COL4A2: variants seen among roughly 807,000 people sequenced by gnomAD.
The protein encoded by COL4A2 is collagen type IV alpha 2 chain.
In COL4A2, 99 loss-of-function variants were observed where a neutral mutation model predicts 200.2. That is an observed-to-expected ratio of 0.49 (90% CI 0.42 to 0.58). The LOEUF is 0.58. COL4A2 is among the 20% of genes least tolerant of loss of function. COL4A2 has a pLI of 0.00. For missense variants in COL4A2, 1,950 were observed against 2,314.1 expected, an observed-to-expected ratio of 0.84 and a Z score of 3.23; for synonymous variants, 897 against 900.6, an observed-to-expected ratio of 1.00 and a Z score of 0.07.
intron 3 of COL4A2, among the ~76,000 whole-genome samples, chr13:110,335,514 C>T (rs564833373): frequency 6.6e-6 from 1 of 152,258 alleles, no homozygotes; most frequent in Non-Finnish European, 1.5e-5. Context: ...GATTGTGAGG[C>T]CTCCCCAGCC....
chr13:110,503,534 G>GGATGTCCCCAA, intron 43 of COL4A2, 53 bp downstream of exon 43: 1 of 1,126,700 alleles, frequency 8.9e-7, no homozygotes, highest in Non-Finnish European at 1.3e-6. Context: ...AGCCTCTCCA[G>GGATGTCCCCAA]GCTTGGGGAC....
rs114047506 is a variant in COL4A2 at position 110,506,171 on chromosome 13, G to A, written c.4403-244G>A. 0.056 allele frequency among the ~76,000 whole-genome samples: 8,532 copies of A among 151,564 alleles called. 324 individuals are homozygous for A. Among genetic ancestry groups the A allele is most frequent in the Non-Finnish European group, 0.086 (5,842 of 67,916 alleles). On this transcript the variant is annotated intron_variant, in intron 45 of 47. Coordinates refer to ENST00000360467, the MANE Select transcript of COL4A2 (RefSeq NM_001846.4). ...TCTCAGGCTGCAGGTGCACTAGGCCGTCCACTCTCTCTCTCTCTCAGGCTG... is the reference window on the plus strand; with the variant it reads ...TCTCAGGCTGCAGGTGCACTAGGCCATCCACTCTCTCTCTCTCTCAGGCTG...
intron 19 of COL4A2, 64 bp from the exon 20 acceptor site, chr13:110,450,241 G>A (rs1180640300): frequency 3.2e-5 from 48 of 1,492,730 alleles, no homozygotes; most frequent in Non-Finnish European, 4.0e-5. Context: ...CTCTGGACAC[G>A]AACACAAAGG....
chr13:110,373,697 G>T (rs1323547144), intron 4 of COL4A2, among the ~76,000 whole-genome samples: 2 of 152,212 alleles, frequency 1.3e-5, no homozygotes, highest in Non-Finnish European at 2.9e-5. Context: ...GTGTGAGGAC[G>T]TAGAAATCCA....
At chr13:110,340,339 C>T (rs150676768) in intron 3 of COL4A2, among the ~76,000 whole-genome samples, 4 of 152,236 alleles carry the variant, frequency 2.6e-5, no homozygotes, top group East Asian at 3.9e-4. Context: ...CTGGTGTTGA[C>T]GTCCTGACCT....
intron 3 of COL4A2, among the ~76,000 whole-genome samples, chr13:110,325,080 A>T (rs1332490568): frequency 6.6e-6 from 1 of 152,182 alleles, no homozygotes; most frequent in Non-Finnish European, 1.5e-5. Context: ...ATCGTAACTG[A>T]CTGTATGAAA....
At chr13:110,419,891 C>T (rs956711834) in intron 4 of COL4A2, among the ~76,000 whole-genome samples, 4 of 152,216 alleles carry the variant, frequency 2.6e-5, no homozygotes, top group African/African-American at 9.7e-5. Flanking sequence ...CTCTGCATGA[C>T]CCAGTAAGCC....
chr13:110,434,636 A>G (rs566585626), intron 12 of COL4A2, among the ~76,000 whole-genome samples, 194 bp downstream of exon 12: 1 of 152,374 alleles, frequency 6.6e-6, no homozygotes, highest in East Asian at 1.9e-4. Flanking sequence ...TTCTGCATCA[A>G]CAAGACGGTA....
intron 40 of COL4A2, among the ~76,000 whole-genome samples, chr13:110,499,667 CCT>C (rs1365098814): frequency 1.3e-5 from 2 of 152,130 alleles, no homozygotes; most frequent in Admixed American, 6.5e-5. Flanking sequence ...TCACGGAACC[CCT>C]GTTAGTGAGA....
At chr13:110,366,736 T>C (rs9555692) in intron 4 of COL4A2, among the ~76,000 whole-genome samples, 60,866 of 152,048 alleles carry the variant, frequency 0.4, 12,308 homozygotes, top group Middle Eastern at 0.56. Context: ...GTCCTTCATC[T>C]TCGAAGGGTG....
intron 4 of COL4A2, among the ~76,000 whole-genome samples, chr13:110,362,025 C>A (rs1877537852): frequency 6.6e-6 from 1 of 152,186 alleles, no homozygotes; most frequent in Admixed American, 6.5e-5. Context: ...CCAGCATAAT[C>A]ATCTTCTGTG....
intron 16 of COL4A2, among the ~76,000 whole-genome samples, chr13:110,443,921 G>T (rs1316381333): frequency 6.6e-6 from 1 of 152,124 alleles, no homozygotes; most frequent in African/African-American, 2.4e-5. Context: ...TTTGACTTAG[G>T]GTTCCCGCCT....
intron 3 of COL4A2, among the ~76,000 whole-genome samples, chr13:110,318,119 C>T (rs1885188352): frequency 6.6e-6 from 1 of 152,188 alleles, no homozygotes; most frequent in African/African-American, 2.4e-5. Context: ...TCTGAGAATG[C>T]TTGTCTTCAT....
rs72657977 is a variant in COL4A2 at position 110,480,066 on chromosome 13, C to T, written c.2588-154C>T. On this transcript the variant is annotated intron_variant, in intron 30 of 47. Transcript: ENST00000360467. Reference sequence around the variant, plus strand: ...AAAGGCCAGCCCCAGGGTCCCGCTCCGGCCACACTTTGGAAACTCACCCCA... The same window carrying T: ...AAAGGCCAGCCCCAGGGTCCCGCTCTGGCCACACTTTGGAAACTCACCCCA... Among the ~76,000 whole-genome samples, 18,450 of 152,256 alleles carry T rather than the reference C, an allele frequency of 0.12. 1,221 individuals are homozygous for T. The highest frequency in any genetic ancestry group is 0.2 in the Middle Eastern group (59 of 292).
At chr13:110,479,536 TG>T (rs1882822701) in intron 30 of COL4A2, among the ~76,000 whole-genome samples, 1 of 32,840 alleles carries the variant, frequency 3.0e-5, no homozygotes, top group Admixed American at 4.5e-4. Flanking sequence ...TTGAGGGGGC[TG>T]GGGGTTTAGA....
intron 20 of COL4A2, among the ~76,000 whole-genome samples, chr13:110,454,194 G>A (rs895417320): frequency 6.6e-6 from 1 of 152,106 alleles, no homozygotes; most frequent in Non-Finnish European, 1.5e-5. Context: ...TTGGCCAGGG[G>A]CTCTTTGTGG....
At chr13:110,472,865 A>T in intron 28 of COL4A2, 64 bp from the exon 29 acceptor site, 1 of 1,481,238 alleles carries the variant, frequency 6.8e-7, no homozygotes, top group South Asian at 1.2e-5. Context: ...CCTCTTTTTG[A>T]CTCTTCTCTT....
At chr13:110,434,363 G>T in intron 11 of COL4A2, 38 bp from the exon 12 acceptor site, 1 of 1,582,654 alleles carries the variant, frequency 6.3e-7, no homozygotes, top group Non-Finnish European at 8.6e-7. Flanking sequence ...TCTGATTATT[G>T]GCTTTTTAAA....
intron 4 of COL4A2, among the ~76,000 whole-genome samples, chr13:110,405,290 T>C (rs1459276010): frequency 6.6e-6 from 1 of 152,116 alleles, no homozygotes; most frequent in Non-Finnish European, 1.5e-5. Flanking sequence ...GGAAATGGAC[T>C]AACACAAAAA....
Sources: gnomAD v4.1 joint callset for allele counts (sites outside exome capture counted in the v4.1 genomes callset) on GRCh38, gnomAD v4.1.1 for gene constraint, MANE v1.5 for transcripts, NCBI Gene and HGNC (gene_info 2026-07-23, HGNC 2026-07-21) for gene names.